INTU: variants seen among roughly 807,000 people sequenced by gnomAD.
INTU encodes inturned planar cell polarity protein.
In INTU, 68 loss-of-function variants were observed where a neutral mutation model predicts 100.5. The observed-to-expected ratio is 0.68, with a 90% CI of 0.56 to 0.83. INTU has a LOEUF of 0.83. Ranked by LOEUF, INTU falls within the 40% of genes least tolerant of loss-of-function variation. The pLI is 0.00. For missense variants in INTU, 1,071 were observed against 1,114.7 expected (o/e 0.96, Z 0.56); for synonymous variants, 357 against 395.7 (o/e 0.90, Z 1.16).
At chr4:127,714,883 T>C (rs1382178958) in intron 15 of INTU, among the ~76,000 whole-genome samples, 1 of 151,964 alleles carries the variant, frequency 6.6e-6, no homozygotes, top group Non-Finnish European at 1.5e-5. Context: ...CCTGGCAAAA[T>C]GTGAAACTGG....
chr4:127,666,542 T>C (rs1349729729), intron 4 of INTU, among the ~76,000 whole-genome samples: 1 of 152,178 alleles, frequency 6.6e-6, no homozygotes, highest in Non-Finnish European at 1.5e-5. Context: ...CAGTACTCAG[T>C]GTCCTGATGG....
At chr4:127,703,042 A>G (rs1361871276) in intron 9 of INTU, among the ~76,000 whole-genome samples, 1 of 152,126 alleles carries the variant, frequency 6.6e-6, no homozygotes, top group Non-Finnish European at 1.5e-5. Flanking sequence ...AATAAACCAG[A>G]CACTCCACAT....
At chr4:127,677,651 A>G (rs933159741) in intron 6 of INTU, among the ~76,000 whole-genome samples, 1 of 152,164 alleles carries the variant, frequency 6.6e-6, no homozygotes, top group African/African-American at 2.4e-5. Context: ...AAGACGGGGA[A>G]AAAACAGAGC....
At position 127,706,781 on chromosome 4, in the gene INTU, ACG is replaced by A; in HGVS notation, c.2085_2086del (p.Leu696PhefsTer3). 1 of 1,614,114 alleles carries A rather than the reference ACG, an allele frequency of 6.2e-7. No homozygotes were observed. Among genetic ancestry groups the A allele is most frequent in the East Asian group, 2.2e-5 (1 of 44,878 alleles). On this transcript the variant is annotated frameshift_variant, in exon 12 of 16. Transcript: ENST00000335251. LOFTEE classifies it high-confidence loss of function. ...AGCAACTTCTCCAACATGCAGAAGA[ACG>A]CTTTTTGGTGACTATTCCTTAAAGA... ...KVATSPTCRR[T>X]LFGDYSLKTR... is the part of the protein sequence containing the mutation.
At chr4:127,642,914 T>A (rs540430625) in intron 1 of INTU, among the ~76,000 whole-genome samples, 1 of 152,132 alleles carries the variant, frequency 6.6e-6, no homozygotes, top group Non-Finnish European at 1.5e-5. Flanking sequence ...AGTAAAGTGA[T>A]CATTACTATA....
chr4:127,724,640 A>G lies in INTU; in HGVS notation c.*8204A>G, dbSNP rs1731392413. ...TTTTTACTTGACATTTACCCTGTAG[A>G]TCCTCCTAGAGGTTCGATGCCCCCA... On this transcript the variant is annotated 3_prime_UTR_variant, in exon 16 of 16. Coordinates refer to ENST00000335251, the MANE Select transcript of INTU (RefSeq NM_015693.4). 1 of 152,136 alleles carries G rather than the reference A, an allele frequency of 6.6e-6. No individual in the cohort carries two copies. Among genetic ancestry groups the G allele is most frequent in the East Asian group, 1.9e-4 (1 of 5,188 alleles). 9.4% of individuals were successfully genotyped at this position (152,136 alleles called of 1,614,324 possible). A position where few individuals can be genotyped will look rare whatever the true frequency, so the allele number is the denominator to read the frequency against.
intron 2 of INTU, 140 bp from the exon 3 acceptor site, chr4:127,656,496 T>C: frequency 1.7e-6 from 1 of 593,678 alleles, no homozygotes; most frequent in Non-Finnish European, 3.1e-6. Flanking sequence ...TGTATAAACC[T>C]GGACAAGTTC....
chr4:127,679,776 A>G (rs1285042535), intron 6 of INTU, among the ~76,000 whole-genome samples: 1 of 151,898 alleles, frequency 6.6e-6, no homozygotes, highest in East Asian at 1.9e-4. Flanking sequence ...AAGGAAATAG[A>G]GACACAAAAA....
intron 8 of INTU, among the ~76,000 whole-genome samples, chr4:127,698,312 A>G (rs998393091): frequency 6.6e-6 from 1 of 151,934 alleles, no homozygotes; most frequent in East Asian, 1.9e-4. Flanking sequence ...AATACAAAAA[A>G]TTAGGCAGGC....
At chr4:127,674,789 A>C (rs972149386) in intron 6 of INTU, among the ~76,000 whole-genome samples, 1 of 152,212 alleles carries the variant, frequency 6.6e-6, no homozygotes, top group Non-Finnish European at 1.5e-5. Context: ...CAGGGACTGC[A>C]TTAGGTACTT....
chr4:127,649,348 G>A (rs1343312025), intron 2 of INTU, among the ~76,000 whole-genome samples: 2 of 152,068 alleles, frequency 1.3e-5, no homozygotes, highest in Non-Finnish European at 2.9e-5. Flanking sequence ...TTCATTACAC[G>A]AACGTCTTTG....
chr4:127,635,840 G>A (rs377247467), intron 1 of INTU, among the ~76,000 whole-genome samples: 1 of 152,044 alleles, frequency 6.6e-6, no homozygotes, highest in African/African-American at 2.4e-5. Flanking sequence ...TCTGCTTTTT[G>A]TCACTCTATA....
intron 6 of INTU, among the ~76,000 whole-genome samples, chr4:127,676,523 T>C (rs1177228842): frequency 2.0e-5 from 3 of 150,500 alleles, no homozygotes. Flanking sequence ...GAGGCAGAGG[T>C]TGCAGTTAGC....
chr4:127,701,819 G>C (rs1730663018), intron 9 of INTU, among the ~76,000 whole-genome samples: 1 of 152,120 alleles, frequency 6.6e-6, no homozygotes, highest in African/African-American at 2.4e-5. Flanking sequence ...AAAGCCATGA[G>C]GTGTGGATTA....
At chr4:127,643,255 T>C (rs1238287249) in intron 1 of INTU, among the ~76,000 whole-genome samples, 1 of 152,172 alleles carries the variant, frequency 6.6e-6, no homozygotes, top group East Asian at 1.9e-4. Context: ...TCTTTTTTCA[T>C]TGGTTTTCCT....
In INTU at chr4:127,706,959, C is replaced by A; in HGVS notation, c.2261C>A (p.Thr754Asn). ...QGSDGLEESG[T>N]LLKVTKKKST... is the part of the protein sequence containing the mutation. ...TCTGATGGTTTAGAAGAAAGTGGGA[C>A]CTTGCTTAAGGTGTGTGCTTATTCA... The change falls in exon 12 of 16, where the codon ACC (threonine) becomes AAC (asparagine). Residue 754 changes from threonine (T) to asparagine (N), a missense_variant. Coordinates refer to ENST00000335251, the MANE Select transcript of INTU (RefSeq NM_015693.4). 6.2e-7 allele frequency: 1 copy of A among 1,612,836 alleles called. No individual in the cohort carries two copies. The highest frequency in any genetic ancestry group is 8.5e-7 in the Non-Finnish European group (1 of 1,179,346).
At position 127,644,009 on chromosome 4, in the gene INTU, G is replaced by A; in HGVS notation, c.635G>A (p.Gly212Asp). The change falls in exon 2 of 16, where the codon GGC becomes GAC. Residue 212 changes from glycine (G) to aspartate (D), a missense_variant. Physicochemically the swap from Gly to Asp is moderately conservative, Grantham distance 94. Coordinates refer to ENST00000335251, the MANE Select transcript of INTU (RefSeq NM_015693.4). ...QGDGERLVVH[G>D]LLPGGSAMKS... ...GATGGAGAGAGGCTTGTGGTTCATG[G>A]CCTGCTGCCAGGGGGATCTGCTATG... The A allele has an allele frequency of 6.2e-7, 1 of 1,614,166 alleles. No homozygotes were observed. The highest frequency in any genetic ancestry group is 8.5e-7 in the Non-Finnish European group (1 of 1,179,996).
At chr4:127,670,140 A>G (rs1196609975) in intron 5 of INTU, among the ~76,000 whole-genome samples, 1 of 151,868 alleles carries the variant, frequency 6.6e-6, no homozygotes, top group South Asian at 2.1e-4. Flanking sequence ...CAAAGCTTTT[A>G]GGTTTTGTGT....
At chr4:127,674,707 T>C (rs1008071903) in intron 6 of INTU, among the ~76,000 whole-genome samples, 1 of 152,196 alleles carries the variant, frequency 6.6e-6, no homozygotes, top group South Asian at 2.1e-4. Flanking sequence ...TGTGAGTATT[T>C]TGAAGTATAC....
Sources: allele counts gnomAD v4.1 joint callset (sites outside exome capture counted in the v4.1 genomes callset), GRCh38; gene constraint gnomAD v4.1.1; transcripts MANE v1.5; gene names NCBI Gene and HGNC (gene_info 2026-07-23, HGNC 2026-07-21).